NWD1: variants seen among roughly 807,000 people sequenced by gnomAD.
NWD1 encodes NACHT and WD repeat domain containing 1, also known as NACHT domain- and WD repeat-containing protein 1.
A neutral mutation model predicts 135.1 loss-of-function variants in NWD1; 129 were observed. The ratio of observed to expected loss-of-function variants is 0.96; its 90% CI spans 0.83 to 1.11. The LOEUF (loss-of-function observed/expected upper bound fraction) is 1.11, where lower values mean the gene tolerates loss of function less well. Among genes scored for constraint, NWD1 ranks in the 50% least tolerant of loss-of-function variants. The probability of loss-of-function intolerance (pLI) is 0.00; values close to 1 mark genes in which losing one functional copy is unlikely to be tolerated. For synonymous variants in NWD1, 773 were observed against 786.0 expected (o/e 0.98, Z 0.28); for missense variants, 1,740 against 1,851.3 (o/e 0.94, Z 1.10).
chr19:16,796,252 ACTT>A (rs1970413846), intron 15 of NWD1, among the ~76,000 whole-genome samples: 5 of 151,950 alleles, frequency 3.3e-5, no homozygotes, highest in Non-Finnish European at 5.9e-5. Flanking sequence ...AGATCAGTGA[ACTT>A]CTGATCTGAA....
At chr19:16,734,515 A>G (rs1348358119) in intron 3 of NWD1, among the ~76,000 whole-genome samples, 1 of 148,066 alleles carries the variant, frequency 6.8e-6, no homozygotes, top group Non-Finnish European at 1.5e-5. Flanking sequence ...AGCCTGGGTG[A>G]TAGAGCAAGA....
intron 17 of NWD1, among the ~76,000 whole-genome samples, chr19:16,806,997 A>G (rs1179433601): frequency 6.6e-6 from 1 of 151,882 alleles, no homozygotes; most frequent in African/African-American, 2.4e-5. Context: ...AGCCTGGACA[A>G]CGAAGCCAGA....
intron 17 of NWD1, among the ~76,000 whole-genome samples, chr19:16,806,118 C>T (rs1970738543): frequency 6.6e-6 from 1 of 152,172 alleles, no homozygotes. Context: ...GGTGATCCAT[C>T]CACCTCGGCC....
At position 16,750,178 on chromosome 19, in the gene NWD1, G is replaced by T; in HGVS notation, c.1536G>T (p.Arg512Ser). 1 of 1,613,542 alleles carries T rather than the reference G, an allele frequency of 6.2e-7. No individual in the cohort carries two copies. Among genetic ancestry groups the T allele is most frequent in the Non-Finnish European group, 8.5e-7 (1 of 1,179,806 alleles). Residue 512 changes from arginine (R) to serine (S), a missense_variant, in exon 6 of 19, where the codon AGG becomes AGT. Coordinates refer to ENST00000524140, the MANE Select transcript of NWD1 (RefSeq NM_001007525.5). ...TCCAACTCCTGCTGGCAGCTGCAAG[G>T]AGGACGCTGAGCCCGGTGCACACAG... ...QMIQLLLAAA[R>S]RTLSPVHTDL...
At chr19:16,796,366 G>A (rs1411265967) in intron 15 of NWD1, among the ~76,000 whole-genome samples, 5 of 152,132 alleles carry the variant, frequency 3.3e-5, no homozygotes, top group Non-Finnish European at 5.9e-5. Flanking sequence ...GGAGGATGAG[G>A]TGGGAGAATT....
intron 13 of NWD1, among the ~76,000 whole-genome samples, chr19:16,789,994 A>G (rs527624275): frequency 2.0e-5 from 3 of 152,326 alleles, no homozygotes; most frequent in East Asian, 1.9e-4. Flanking sequence ...CTGGGATTAC[A>G]GGCCTGAGCC....
At chr19:16,766,251 C>T (rs1180257859) in intron 10 of NWD1, among the ~76,000 whole-genome samples, 2 of 151,896 alleles carry the variant, frequency 1.3e-5, no homozygotes, top group Non-Finnish European at 2.9e-5. Flanking sequence ...AAAAATTATT[C>T]TCAGGCTGAG....
chr19:16,763,482 C>T (rs1969097701), intron 8 of NWD1, among the ~76,000 whole-genome samples: 1 of 152,188 alleles, frequency 6.6e-6, no homozygotes, highest in African/African-American at 2.4e-5. Flanking sequence ...CACCTCCAGA[C>T]CTTTGCCCAT....
At chr19:16,803,124 C>A (rs889816496) in intron 17 of NWD1, among the ~76,000 whole-genome samples, 4 of 152,046 alleles carry the variant, frequency 2.6e-5, no homozygotes, top group African/African-American at 2.4e-5. Context: ...GGGGAATTGC[C>A]CTTTACAAAA....
At chr19:16,741,699 A>G (rs944256321) in intron 4 of NWD1, among the ~76,000 whole-genome samples, 5 of 151,578 alleles carry the variant, frequency 3.3e-5, no homozygotes, top group Non-Finnish European at 7.4e-5. Flanking sequence ...AGCTCAGGTG[A>G]ATTTCCCTGA....
chr19:16,802,663 T>C (rs796103930), intron 17 of NWD1, among the ~76,000 whole-genome samples: 8 of 152,144 alleles, frequency 5.3e-5, no homozygotes, highest in African/African-American at 1.9e-4. Context: ...CTCTTATTCA[T>C]AATTATGCAT....
chr19:16,793,668 C>T (rs999291365), intron 14 of NWD1, among the ~76,000 whole-genome samples: 1 of 151,884 alleles, frequency 6.6e-6, no homozygotes, highest in African/African-American at 2.4e-5. Context: ...CCTCCACCTC[C>T]CAGCTTCAAG....
chr19:16,747,378 TTTATTTAA>T (rs1406789088), intron 5 of NWD1, among the ~76,000 whole-genome samples: 13 of 130,542 alleles, frequency 1.0e-4, no homozygotes, highest in African/African-American at 4.8e-4. Flanking sequence ...TATTTATTTA[TTTATTTAA>T]TTTTTTTTGA....
In NWD1 at chr19:16,794,483, A is replaced by G; in HGVS notation, c.3234A>G (p.Arg1078=). The G allele has an allele frequency of 6.2e-7, 1 of 1,611,764 alleles. No homozygotes were observed. The highest frequency in any genetic ancestry group is 1.1e-5 in the South Asian group (1 of 90,580). The change falls in exon 15 of 19, where the codon AGA becomes AGG. Residue 1078 remains arginine, a synonymous_variant. Coordinates refer to ENST00000524140, the MANE Select transcript of NWD1 (RefSeq NM_001007525.5). ...SISLVSSKGD[R]LLEKLPDAVR... ...CACAGGTTTCCTCCAAAGGGGACAG[A>G]TTGCTGGAGAAGCTTCCAGATGCTG...
Position 16,754,055 on chromosome 19 carries a change from A to G in NWD1, c.1769+3644A>G, listed in dbSNP as rs1038971172. On this transcript the variant is annotated intron_variant, in intron 6 of 18. Transcript: ENST00000524140. Reference sequence around the variant, plus strand: ...CATCCATCCATCCATCCATCCATCCACCCATCATCTCGATCTTCCTTCCAT... The same window carrying G: ...CATCCATCCATCCATCCATCCATCCGCCCATCATCTCGATCTTCCTTCCAT... Among the ~76,000 whole-genome samples the G allele has an allele frequency of 2.0e-5, 3 of 146,922 alleles. No individual in the cohort carries two copies. The East Asian group carries it at 6.2e-4, about 30-fold the overall frequency.
chr19:16,732,675 AGT>A (rs113725595), intron 3 of NWD1, among the ~76,000 whole-genome samples: 17,505 of 111,482 alleles, frequency 0.16, 2,479 homozygotes, highest in African/African-American at 0.25. Flanking sequence ...AAAAAGAAAA[AGT>A]GAAAAAGTGC....
chr19:16,749,400 C>A lies in NWD1; in HGVS notation c.758C>A (p.Pro253His). 6.2e-7 allele frequency: 1 copy of A among 1,613,976 alleles called. No individual in the cohort carries two copies. The highest frequency in any genetic ancestry group is 8.5e-7 in the Non-Finnish European group (1 of 1,179,916). ...RLPWSRDLVN[P>H]KNKTHACYLK... The stretch of plus-strand genomic sequence containing the variant: ...CCGTGGAGCCGCGACTTGGTGAACC[C>A]CAAGAACAAGACTCACGCCTGCTAC... Residue 253 changes from proline (P) to histidine (H), a missense_variant, in exon 6 of 19, where the codon CCC becomes CAC. By Grantham distance (77) the Pro-to-His change is moderately conservative. Transcript: ENST00000524140.
chr19:16,813,959 C>G (rs1439337712), intron 18 of NWD1, among the ~76,000 whole-genome samples: 1 of 150,966 alleles, frequency 6.6e-6, no homozygotes, highest in African/African-American at 2.4e-5. Flanking sequence ...CAAGACTAGT[C>G]TGGACAACAT....
chr19:16,740,112 C>T (rs564584843), intron 4 of NWD1, among the ~76,000 whole-genome samples: 11 of 150,456 alleles, frequency 7.3e-5, no homozygotes, highest in African/African-American at 2.0e-4. Flanking sequence ...GCCTGGGCAA[C>T]GTAACAAGGC....
Sources: allele counts gnomAD v4.1 joint callset (sites outside exome capture counted in the v4.1 genomes callset), GRCh38; gene constraint gnomAD v4.1.1; transcripts MANE v1.5; gene names NCBI Gene and HGNC (gene_info 2026-07-23, HGNC 2026-07-21).